Variants in CSGALNACT1 observed in about 807,000 individuals in gnomAD.
CSGALNACT1 encodes the protein chondroitin sulfate N-acetylgalactosaminyltransferase 1.
CSGALNACT1 carries 52 observed loss-of-function variants against 51.0 expected under a neutral mutation model. The observed-to-expected ratio is 1.02, with a 90% CI of 0.82 to 1.29. The LOEUF (loss-of-function observed/expected upper bound fraction) is 1.29, where lower values mean the gene tolerates loss of function less well. CSGALNACT1 is among the 50% of genes most tolerant of loss of function. The pLI, the probability that CSGALNACT1 is intolerant of heterozygous loss-of-function variation, is 0.00. For missense variants in CSGALNACT1, 935 were observed against 679.2 expected (o/e 1.38, Z -4.19); for synonymous variants, 341 against 254.4 (o/e 1.34, Z -3.24).
In CSGALNACT1 at chr8:19,667,022, AGGAAGGAAGG is replaced by A. The variant is rs2059392950; in HGVS notation, c.-544+15441_-544+15450del. ...AAGAAAGAAAGAAAGAAAGAAAGGA[AGGAAGGAAGG>A]AAGGAAGGAAGAAAGAAAGAAAGAA... On this transcript the variant is annotated intron_variant, in intron 1 of 9. Transcript: ENST00000332246. Among the ~76,000 whole-genome samples, 30 of 36,060 alleles carry A rather than the reference AGGAAGGAAGG, an allele frequency of 8.3e-4. 3 individuals carry two copies. The highest frequency in any genetic ancestry group is 5.8e-3 in the African/African-American group (30 of 5,176). The allele number at this position is 36,060 out of a possible 152,430, so 23.7% of individuals were successfully genotyped here.
At chr8:19,470,620 G>C (rs974042223) in intron 4 of CSGALNACT1, among the ~76,000 whole-genome samples, 10 of 152,144 alleles carry the variant, frequency 6.6e-5, no homozygotes, top group African/African-American at 2.4e-4. Context: ...AGCGGGGCAG[G>C]AGAGGGCTCT....
Position 19,493,857 on chromosome 8 carries a change from C to A in CSGALNACT1, c.634+11344G>T, listed in dbSNP as rs186512631. Among the ~76,000 whole-genome samples, 6 of 141,540 alleles carry A rather than the reference C, an allele frequency of 4.2e-5. No homozygotes were observed. The East Asian group carries it at 1.2e-3, about 28-fold the overall frequency. The allele number at this position is 141,540 out of a possible 152,430, so 92.9% of individuals were successfully genotyped here. On this transcript the variant is annotated intron_variant, in intron 4 of 9. Transcript: ENST00000454498. ...TTTTCATTTCTCATCAGTATATATA[C>A]GTATGTGTGTTTATACACACACACA... is the stretch of plus-strand genomic sequence containing the variant.
intron 3 of CSGALNACT1, among the ~76,000 whole-genome samples, chr8:19,534,127 G>A (rs1455236807): frequency 1.3e-5 from 2 of 152,106 alleles, no homozygotes; most frequent in Non-Finnish European, 2.9e-5. Flanking sequence ...AATACTTGAT[G>A]TTAGCAAGTT....
intron 4 of CSGALNACT1, among the ~76,000 whole-genome samples, chr8:19,475,637 G>A (rs981253054): frequency 6.6e-6 from 1 of 152,126 alleles, no homozygotes; most frequent in African/African-American, 2.4e-5. Flanking sequence ...GTAAAAAGTG[G>A]TTTCCTTTGA....
intron 1 of CSGALNACT1, among the ~76,000 whole-genome samples, chr8:19,676,817 C>G (rs151105316): frequency 1.3e-5 from 2 of 152,278 alleles, no homozygotes; most frequent in East Asian, 3.9e-4. Flanking sequence ...AGGAAGACAA[C>G]TGGGAGGCTC....
At chr8:19,692,278 G>C (rs954680333) in intron 1 of CSGALNACT1, among the ~76,000 whole-genome samples, 4 of 152,182 alleles carry the variant, frequency 2.6e-5, no homozygotes, top group Admixed American at 6.5e-5. Flanking sequence ...TGGAGTGGGA[G>C]AACTTAAGGG....
chr8:19,538,569 G>T (rs1184671874), intron 3 of CSGALNACT1, among the ~76,000 whole-genome samples: 1 of 152,158 alleles, frequency 6.6e-6, no homozygotes, highest in African/African-American at 2.4e-5. Flanking sequence ...TTTGCATGGG[G>T]AAGTGAGAAG....
intron 3 of CSGALNACT1, among the ~76,000 whole-genome samples, chr8:19,545,439 T>C (rs899051115): frequency 1.3e-5 from 2 of 152,218 alleles, no homozygotes; most frequent in African/African-American, 4.8e-5. Context: ...CCTATAACTT[T>C]TGTCTTTGAT....
intron 5 of CSGALNACT1, among the ~76,000 whole-genome samples, chr8:19,456,598 AAG>A (rs2064152559): frequency 6.6e-6 from 1 of 152,230 alleles, no homozygotes; most frequent in Non-Finnish European, 1.5e-5. Context: ...CCTACAGAGA[AAG>A]AGAGCAAAAA....
exon 7 of CSGALNACT1, chr8:19,420,466 G>A (rs763971040): frequency 8.7e-6 from 14 of 1,614,026 alleles, no homozygotes; most frequent in South Asian, 2.2e-5. Context: ...CCCTTTCCCC[G>A]AGAAAATTCT....
At chr8:19,657,019 T>C (rs986238175) in intron 1 of CSGALNACT1, among the ~76,000 whole-genome samples, 13 of 146,950 alleles carry the variant, frequency 8.8e-5, no homozygotes, top group African/African-American at 3.3e-4. Context: ...GCCGAAATCA[T>C]GCCACTGCAC....
chr8:19,416,238 T>C (rs374910836), intron 8 of CSGALNACT1, among the ~76,000 whole-genome samples: 17 of 150,572 alleles, frequency 1.1e-4, no homozygotes, highest in African/African-American at 3.9e-4. Flanking sequence ...CCTCAGCCTG[T>C]GGAGTAGTTG....
intron 1 of CSGALNACT1, among the ~76,000 whole-genome samples, chr8:19,749,855 G>A (rs1266771163): frequency 4.6e-5 from 7 of 152,178 alleles, no homozygotes; most frequent in African/African-American, 1.7e-4. Flanking sequence ...TCACTGACAG[G>A]GGATGTACTG....
intron 3 of CSGALNACT1, among the ~76,000 whole-genome samples, chr8:19,579,291 C>T (rs944926999): frequency 6.6e-6 from 1 of 152,206 alleles, no homozygotes; most frequent in African/African-American, 2.4e-5. Context: ...CTGCTGAAAG[C>T]CTCACTGGCA....
chr8:19,756,081 G>T (rs1375616164), intron 1 of CSGALNACT1, among the ~76,000 whole-genome samples: 1 of 152,074 alleles, frequency 6.6e-6, no homozygotes, highest in Non-Finnish European at 1.5e-5. Flanking sequence ...AAGTTTGAAG[G>T]ACCTTTCTCC....
chr8:19,464,032 C>T (rs958908980), intron 4 of CSGALNACT1, among the ~76,000 whole-genome samples: 7 of 152,202 alleles, frequency 4.6e-5, no homozygotes, highest in African/African-American at 1.4e-4. Flanking sequence ...AGATTCCCCG[C>T]CCCCACTGAC....
At chr8:19,482,065 T>C (rs2071547292) in intron 4 of CSGALNACT1, among the ~76,000 whole-genome samples, 1 of 152,048 alleles carries the variant, frequency 6.6e-6, no homozygotes, top group Non-Finnish European at 1.5e-5. Context: ...TCCGATTAAA[T>C]ACACACACAG....
chr8:19,565,892 C>A (rs1251527797), intron 3 of CSGALNACT1, among the ~76,000 whole-genome samples: 1 of 152,220 alleles, frequency 6.6e-6, no homozygotes, highest in African/African-American at 2.4e-5. Context: ...GCCTGGGCAA[C>A]AGAGCAAGGC....
intron 4 of CSGALNACT1, among the ~76,000 whole-genome samples, chr8:19,461,856 T>A (rs55735535): frequency 0.13 from 18,108 of 144,490 alleles, 3,458 homozygotes; most frequent in African/African-American, 0.21. Context: ...AGCAGCCACA[T>A]TCACCATGGA....
Sources: gnomAD v4.1 joint callset for allele counts (sites outside exome capture counted in the v4.1 genomes callset) on GRCh38, gnomAD v4.1.1 for gene constraint, MANE v1.5 for transcripts, NCBI Gene and HGNC (gene_info 2026-07-23, HGNC 2026-07-21) for gene names.